Variants in CTNND2 observed in about 807,000 individuals in gnomAD.
CTNND2 encodes the protein catenin delta 2.
CTNND2 carries 22 observed loss-of-function variants against 144.4 expected under a neutral mutation model. That is an observed-to-expected ratio of 0.15 (90% confidence interval 0.11 to 0.22). The LOEUF (loss-of-function observed/expected upper bound fraction) is 0.22, where lower values mean the gene tolerates loss of function less well. Ranked by LOEUF, CTNND2 falls within the 10% of genes least tolerant of loss-of-function variation. The pLI is 1.00. For synonymous variants in CTNND2, 751 were observed against 695.6 expected, an observed-to-expected ratio of 1.08 and a Z score of -1.25; for missense variants, 1,353 against 1,618.8, an observed-to-expected ratio of 0.84 and a Z score of 2.82.
intron 7 of CTNND2, among the ~76,000 whole-genome samples, chr5:11,376,176 T>A (rs1340297117): frequency 6.6e-6 from 1 of 152,188 alleles, no homozygotes; most frequent in Non-Finnish European, 1.5e-5. Context: ...TAAATCTCTG[T>A]TGTTTGTAAG....
chr5:11,252,940 T>C (rs560931793), intron 9 of CTNND2, among the ~76,000 whole-genome samples: 8 of 152,330 alleles, frequency 5.3e-5, no homozygotes, highest in Admixed American at 4.6e-4. Context: ...AGTTGTGTAA[T>C]CTAAAAATAG....
intron 3 of CTNND2, among the ~76,000 whole-genome samples, chr5:11,479,974 T>G (rs1768097963): frequency 6.6e-6 from 1 of 152,224 alleles, no homozygotes; most frequent in African/African-American, 2.4e-5. Context: ...TTTACTCTGC[T>G]GATAGTTTCT....
At chr5:11,893,357 G>T (rs1737138309) in intron 1 of CTNND2, among the ~76,000 whole-genome samples, 1 of 152,108 alleles carries the variant, frequency 6.6e-6, no homozygotes, top group Non-Finnish European at 1.5e-5. Context: ...ATTCAGAGGG[G>T]GACAGATTAT....
intron 11 of CTNND2, among the ~76,000 whole-genome samples, chr5:11,184,765 G>A (rs748227588): frequency 1.8e-4 from 27 of 152,298 alleles, no homozygotes; most frequent in Admixed American, 4.6e-4. Flanking sequence ...TTTGTGTGAA[G>A]TGAATCAAGT....
chr5:11,880,105 A>C (rs1252016851), intron 1 of CTNND2, among the ~76,000 whole-genome samples: 1 of 152,142 alleles, frequency 6.6e-6, no homozygotes, highest in Admixed American at 6.5e-5. Flanking sequence ...TGAAACCGGG[A>C]ATTATTTGTT....
intron 5 of CTNND2, among the ~76,000 whole-genome samples, chr5:11,404,806 C>T (rs1247081191): frequency 1.3e-5 from 2 of 151,728 alleles, no homozygotes; most frequent in Non-Finnish European, 2.9e-5. Context: ...GATGGGGTTT[C>T]ACCATGTTGG....
chr5:11,478,617 C>T (rs988549674), intron 3 of CTNND2, among the ~76,000 whole-genome samples: 1 of 152,230 alleles, frequency 6.6e-6, no homozygotes, highest in African/African-American at 2.4e-5. Flanking sequence ...TGCTGCTTAA[C>T]TATTTCCCAA....
intron 2 of CTNND2, among the ~76,000 whole-genome samples, chr5:11,621,252 G>T (rs1008909542): frequency 6.6e-6 from 1 of 152,136 alleles, no homozygotes; most frequent in Non-Finnish European, 1.5e-5. Flanking sequence ...TACATTGGTG[G>T]ATAATTACTG....
intron 1 of CTNND2, among the ~76,000 whole-genome samples, chr5:11,839,208 A>C (rs736437): frequency 6.6e-6 from 1 of 151,664 alleles, no homozygotes; most frequent in African/African-American, 2.4e-5. Flanking sequence ...GGGGTCATAC[A>C]ATTGGTGATC....
intron 16 of CTNND2, among the ~76,000 whole-genome samples, chr5:11,060,949 G>A (rs1746897012): frequency 6.6e-6 from 1 of 151,120 alleles, no homozygotes; most frequent in Admixed American, 6.6e-5. Context: ...ATTGGACCAT[G>A]ACTTTAACTA....
At chr5:11,723,739 G>C (rs565391446) in intron 2 of CTNND2, among the ~76,000 whole-genome samples, 114 of 152,254 alleles carry the variant, frequency 7.5e-4, no homozygotes, top group Admixed American at 1.8e-3. Context: ...CATCCAATAA[G>C]CTTAGGTGAG....
intron 1 of CTNND2, among the ~76,000 whole-genome samples, chr5:11,889,840 T>C (rs77300842): frequency 6.6e-6 from 1 of 152,206 alleles, no homozygotes; most frequent in African/African-American, 2.4e-5. Context: ...TTCTTCTTTA[T>C]AAAGGACATC....
intron 1 of CTNND2, among the ~76,000 whole-genome samples, chr5:11,879,739 T>A (rs886424589): frequency 5.3e-5 from 8 of 152,168 alleles, no homozygotes; most frequent in African/African-American, 1.9e-4. Flanking sequence ...AGTATATATA[T>A]GCTATCCAAT....
In CTNND2 at chr5:11,686,839, C is replaced by T. The variant is rs138152243; in HGVS notation, c.174+45297G>A. Among the ~76,000 whole-genome samples the T allele has an allele frequency of 9.1e-3, 1,342 of 147,604 alleles. 6 individuals are homozygous for T. Among genetic ancestry groups the T allele is most frequent in the Middle Eastern group, 0.021 (6 of 280 alleles). On this transcript the variant is annotated intron_variant, in intron 2 of 21. Transcript: ENST00000304623. ...TTATATACTATATGTATCTAATATA[C>T]TATATTATACTATAAACATATATAC...
At chr5:11,468,607 C>T (rs1215753795) in intron 3 of CTNND2, among the ~76,000 whole-genome samples, 1 of 152,210 alleles carries the variant, frequency 6.6e-6, no homozygotes, top group Non-Finnish European at 1.5e-5. Flanking sequence ...ACTGCAGATA[C>T]TCAAACCCTC....
At chr5:11,111,338 C>T (rs1007203374) in intron 13 of CTNND2, among the ~76,000 whole-genome samples, 2 of 152,198 alleles carry the variant, frequency 1.3e-5, no homozygotes, top group Non-Finnish European at 2.9e-5. Flanking sequence ...TGTACAACCA[C>T]GAGAGATCCC....
intron 8 of CTNND2, among the ~76,000 whole-genome samples, chr5:11,349,820 G>A (rs1755150525): frequency 6.6e-6 from 1 of 152,280 alleles, no homozygotes; most frequent in East Asian, 1.9e-4. Flanking sequence ...TGAACATTAT[G>A]TTGAAAAATA....
intron 1 of CTNND2, among the ~76,000 whole-genome samples, chr5:11,840,650 G>C (rs1406743292): frequency 6.6e-6 from 1 of 152,166 alleles, no homozygotes; most frequent in East Asian, 1.9e-4. Flanking sequence ...TAAGAATCAT[G>C]AGTGTTTACG....
At chr5:11,220,326 T>C (rs1282239515) in intron 10 of CTNND2, among the ~76,000 whole-genome samples, 3 of 151,770 alleles carry the variant, frequency 2.0e-5, no homozygotes, top group Non-Finnish European at 4.4e-5. Flanking sequence ...ACAGAAAAAA[T>C]ATTAGTTAGG....
Sources: gnomAD v4.1 joint callset for allele counts (sites outside exome capture counted in the v4.1 genomes callset) on GRCh38, gnomAD v4.1.1 for gene constraint, MANE v1.5 for transcripts, NCBI Gene and HGNC (gene_info 2026-07-23, HGNC 2026-07-21) for gene names.